Variants in BRD1 observed in about 807,000 individuals in gnomAD.
BRD1 encodes the protein bromodomain containing 1, also known as bromodomain-containing protein 1.
In BRD1, 24 loss-of-function variants were observed where a neutral mutation model predicts 107.7. The ratio of observed to expected loss-of-function variants is 0.22; its 90% CI spans 0.16 to 0.31. The LOEUF is 0.31. Ranked by LOEUF, BRD1 falls within the 10% of genes least tolerant of loss-of-function variation. The pLI is 1.00. For missense variants in BRD1, 1,279 were observed against 1,638.6 expected, an observed-to-expected ratio of 0.78 and a Z score of 3.79; for synonymous variants, 744 against 686.1, an observed-to-expected ratio of 1.08 and a Z score of -1.32.
intron 2 of BRD1, among the ~76,000 whole-genome samples, chr22:49,808,631 G>A (rs2059790159): frequency 6.6e-6 from 1 of 152,194 alleles, no homozygotes; most frequent in African/African-American, 2.4e-5. Flanking sequence ...CAATATCAAA[G>A]TGCTTCATGC....
Position 49,803,798 on chromosome 22 carries a change from A to AC in BRD1, c.1524+405dup, listed in dbSNP as rs967292250. ...CCCACCCTCCAGGCCCAGCACACAG[A>AC]CCCCCACCCACATGGCCCGGGTGTG... is the stretch of plus-strand genomic sequence containing the variant. On this transcript the variant is annotated intron_variant, in intron 3 of 12. Transcript: ENST00000404760. The surrounding 1 kb of genome is among the most constrained non-coding windows in gnomAD (Gnocchi z 4.4). 6.6e-6 allele frequency among the ~76,000 whole-genome samples: 1 copy of AC among 151,194 alleles called. No individual in the cohort carries two copies. The highest frequency in any genetic ancestry group is 2.4e-5 in the African/African-American group (1 of 41,028).
At chr22:49,790,198 C>T (rs2059407022) in intron 7 of BRD1, among the ~76,000 whole-genome samples, 3 of 152,186 alleles carry the variant, frequency 2.0e-5, no homozygotes, top group South Asian at 4.1e-4. Flanking sequence ...ACCACAGAGG[C>T]CCCCGGACCG....
chr22:49,791,466 G>A (rs2059432712), intron 7 of BRD1, among the ~76,000 whole-genome samples: 1 of 152,252 alleles, frequency 6.6e-6, no homozygotes. Flanking sequence ...ATTTGCCATT[G>A]AGGAATTACT....
At chr22:49,827,451 G>A (rs1432621711) in intron 1 of BRD1, 46 bp downstream of exon 1, 2 of 144,742 alleles carry the variant, frequency 1.4e-5, no homozygotes, top group Non-Finnish European at 3.1e-5. Context: ...CGGGCGGCCC[G>A]CGAGGCGGCG....
At chr22:49,793,917 T>C in intron 7 of BRD1, 117 bp downstream of exon 7, 1 of 1,406,124 alleles carries the variant, frequency 7.1e-7, no homozygotes, top group South Asian at 1.4e-5. Context: ...GAACTGGCGC[T>C]AACCTGAGCC....
At chr22:49,780,062 G>A (rs930068792) in intron 8 of BRD1, among the ~76,000 whole-genome samples, 1 of 152,190 alleles carries the variant, frequency 6.6e-6, no homozygotes, top group Non-Finnish European at 1.5e-5. Context: ...AGTAGTTACT[G>A]GTTGGCCGAG....
chr22:49,819,778 C>G (rs1027006966), intron 2 of BRD1, among the ~76,000 whole-genome samples: 1 of 151,960 alleles, frequency 6.6e-6, no homozygotes, highest in Admixed American at 6.6e-5. Context: ...TTATTTACCG[C>G]TGTTATTATT....
chr22:49,827,219 ACTCCCCGGCCTGACCTACCCGGT>A (rs1481119419), intron 1 of BRD1, among the ~76,000 whole-genome samples: 3 of 138,748 alleles, frequency 2.2e-5, no homozygotes, highest in African/African-American at 8.3e-5. Flanking sequence ...GCCTCCCTCG[ACTCCCCGGCCTGACCTACCCGGT>A]CTCCCCGCCC....
At chr22:49,817,741 G>C (rs898562979) in intron 2 of BRD1, 1 of 187,440 alleles carries the variant, frequency 5.3e-6, no homozygotes. Context: ...CTCTAAACAT[G>C]CCTCACATAG....
In BRD1 at chr22:49,823,151, C is replaced by T. The variant is rs111406899; in HGVS notation, c.1167G>A (p.Thr389=). The change falls in exon 2 of 13, where the codon ACG becomes ACA. Residue 389 remains threonine, a synonymous_variant. Coordinates refer to ENST00000404760, the MANE Select transcript of BRD1 (RefSeq NM_001304808.3). ...VRKTAYCDVH[T]PPGCTRRPLN... ...GAGGCCTCCGGGTGCAGCCTGGAGG[C>T]GTGTGGACATCACAGTAAGCGGTCT... 4.8e-4 allele frequency: 782 copies of T among 1,614,196 alleles called. 6 individuals are homozygous for T. The African/African-American group carries it at 7.9e-3, about 16-fold the overall frequency.
At chr22:49,820,588 A>C (rs1159863337) in intron 2 of BRD1, among the ~76,000 whole-genome samples, 1 of 152,240 alleles carries the variant, frequency 6.6e-6, no homozygotes, top group African/African-American at 2.4e-5. Flanking sequence ...CGTGGGCAAC[A>C]GAACAAGACC....
At position 49,827,754 on chromosome 22, in the gene BRD1, C is replaced by A. The variant is rs1367315428; in HGVS notation, c.-272G>T. 4.2e-5 allele frequency among the ~76,000 whole-genome samples: 6 copies of A among 142,932 alleles called. No individual in the cohort carries two copies. Among genetic ancestry groups the A allele is most frequent in the Non-Finnish European group, 9.2e-5 (6 of 64,950 alleles). 93.8% of individuals were successfully genotyped at this position (142,932 alleles called of 152,430 possible). On this transcript the variant is annotated 5_prime_UTR_variant, in exon 1 of 13. Coordinates refer to ENST00000404760, the MANE Select transcript of BRD1 (RefSeq NM_001304808.3). ...AGCTGGAGGCCCGGCTCGGGGGGCC[C>A]GGCCGGCGGGCGCGGGCGCGGGCGC...
intron 2 of BRD1, among the ~76,000 whole-genome samples, chr22:49,808,238 C>A (rs945757690): frequency 1.3e-5 from 2 of 152,190 alleles, no homozygotes; most frequent in African/African-American, 4.8e-5. Flanking sequence ...ATGTTCTTCA[C>A]AGCATTATTC....
In BRD1 at chr22:49,776,171, G is replaced by A. The variant is rs1003409823; in HGVS notation, c.3122-12C>T. The A allele has an allele frequency of 1.4e-5, 22 of 1,599,662 alleles. No homozygotes were observed. The highest frequency in any genetic ancestry group is 1.8e-5 in the Non-Finnish European group (21 of 1,177,912). On this transcript the variant is annotated splice_polypyrimidine_tract_variant and intron_variant, in intron 10 of 12. Coordinates refer to ENST00000404760, the MANE Select transcript of BRD1 (RefSeq NM_001304808.3). ...GCTCTGGCCGACTTCTGCGGAGAGG[G>A]GCGTCAGCAGGACACAGGCGTCAGC...
In BRD1 at chr22:49,824,347, A is replaced by G; in HGVS notation, c.-14-16T>C. On this transcript the variant is annotated splice_polypyrimidine_tract_variant and intron_variant, in intron 1 of 12. Coordinates refer to ENST00000404760, the MANE Select transcript of BRD1 (RefSeq NM_001304808.3). The surrounding 1 kb of genome is among the most constrained non-coding windows in gnomAD (Gnocchi z 5.9). ...TAATGATTACCTAAAATGAAGGCAA[A>G]AGTAAAGGTAATTCTACGCAGGGTG... 6.2e-7 allele frequency: 1 copy of G among 1,608,164 alleles called. No homozygotes were observed. Among genetic ancestry groups the G allele is most frequent in the Non-Finnish European group, 8.5e-7 (1 of 1,176,134 alleles).
At chr22:49,826,372 C>T (rs1601761160) in intron 1 of BRD1, 1 of 562,008 alleles carries the variant, frequency 1.8e-6, no homozygotes, top group Non-Finnish European at 2.3e-6. Context: ...CTCAGCAGGG[C>T]AGGGCGACCC....
At chr22:49,810,634 T>G (rs907471447) in intron 2 of BRD1, among the ~76,000 whole-genome samples, 3 of 152,164 alleles carry the variant, frequency 2.0e-5, no homozygotes, top group African/African-American at 7.2e-5. Flanking sequence ...CAGTAAGAAG[T>G]CAGCTAACCA....
chr22:49,810,605 C>A (rs995530538), intron 2 of BRD1, among the ~76,000 whole-genome samples: 13 of 152,144 alleles, frequency 8.5e-5, no homozygotes. Context: ...GTACCCAGAA[C>A]AGAGAACTCT....
intron 7 of BRD1, among the ~76,000 whole-genome samples, chr22:49,793,367 T>C (rs570735127): frequency 2.0e-5 from 3 of 152,302 alleles, no homozygotes; most frequent in South Asian, 2.1e-4. Context: ...TAGTTCTCCT[T>C]CTAGATAGGC....
Sources: allele counts gnomAD v4.1 joint callset (sites outside exome capture counted in the v4.1 genomes callset), GRCh38; gene constraint gnomAD v4.1.1; non-coding constraint Gnocchi (gnomAD v3.1); transcripts MANE v1.5; gene names NCBI Gene and HGNC (gene_info 2026-07-23, HGNC 2026-07-21).